ARHGEF6: variants seen among roughly 807,000 people sequenced by gnomAD.
ARHGEF6 encodes the protein Rac/Cdc42 guanine nucleotide exchange factor 6, also known as rho guanine nucleotide exchange factor 6.
In ARHGEF6, 9 loss-of-function variants were observed where a neutral mutation model predicts 70.3. The ratio of observed to expected loss-of-function variants is 0.13; its 90% CI spans 0.08 to 0.22. The LOEUF is 0.22. Ranked by LOEUF, ARHGEF6 falls within the 10% of genes least tolerant of loss-of-function variation. The pLI, the probability that ARHGEF6 is intolerant of heterozygous loss-of-function variation, is 1.00. For synonymous variants in ARHGEF6, 201 were observed against 207.8 expected (o/e 0.97, Z 0.28); for missense variants, 470 against 563.0 (o/e 0.83, Z 1.67).
At chrX:136,753,270 C>T (rs913477569) in intron 2 of ARHGEF6, among the ~76,000 whole-genome samples, 12 of 112,010 alleles carry the variant, frequency 1.1e-4, no homozygotes, top group African/African-American at 3.2e-4. Flanking sequence ...CTAATTTGTG[C>T]CTGTAGCTGA....
At chrX:136,728,071 A>G (rs1214493251) in intron 6 of ARHGEF6, among the ~76,000 whole-genome samples, 2 of 112,336 alleles carry the variant, frequency 1.8e-5, no homozygotes, top group African/African-American at 6.5e-5. Flanking sequence ...TTACTTTTTA[A>G]ATCTTCCTGG....
chrX:136,687,843 T>C lies in ARHGEF6; in HGVS notation c.1245+89A>G, dbSNP rs1235791049. On this transcript the variant is annotated intron_variant, in intron 11 of 21. Coordinates refer to ENST00000250617, the MANE Select transcript of ARHGEF6 (RefSeq NM_004840.3). ...AGCTTATTTCCATTCTAAAGACCTT[T>C]GTATAGGGAAAGAAATGTTACACAC... 7 of 787,733 alleles carry C rather than the reference T, an allele frequency of 8.9e-6. No homozygotes were observed. In the Admixed American group the frequency reaches 1.3e-4, roughly 15 times the overall value. The allele number at this position is 787,733 out of a possible 1,213,427, so 64.9% of individuals were successfully genotyped here.
At chrX:136,698,115 A>T (rs1314685575) in intron 9 of ARHGEF6, among the ~76,000 whole-genome samples, 1 of 112,254 alleles carries the variant, frequency 8.9e-6, no homozygotes, top group African/African-American at 3.2e-5. Flanking sequence ...AAAGTAAAAT[A>T]ACTGAAATTT....
intron 11 of ARHGEF6, among the ~76,000 whole-genome samples, 181 bp from the exon 12 acceptor site, chrX:136,686,004 G>C (rs1170316044): frequency 8.9e-6 from 1 of 112,058 alleles, no homozygotes; most frequent in East Asian, 2.8e-4. Context: ...TAAATCTCTA[G>C]GCTTGAGCCC....
chrX:136,779,986 C>G (rs1046454884), intron 1 of ARHGEF6, among the ~76,000 whole-genome samples: 4 of 112,199 alleles, frequency 3.6e-5, no homozygotes, highest in African/African-American at 1.3e-4. Flanking sequence ...AAAATACAAA[C>G]TGGCTCATGA....
chrX:136,687,585 G>T (rs1474439468), intron 11 of ARHGEF6, among the ~76,000 whole-genome samples: 1 of 112,074 alleles, frequency 8.9e-6, no homozygotes, highest in Non-Finnish European at 1.9e-5. Context: ...CAGTATTGAT[G>T]CAAATCAGTG....
chrX:136,780,736 C>T lies in ARHGEF6; in HGVS notation c.147G>A (p.Met49Ile), dbSNP rs1168744786. Residue 49 changes from methionine to isoleucine, a missense_variant, in exon 1 of 22, where the codon ATG becomes ATA. Met to Ile is a conservative substitution (Grantham distance 10). Around this residue, in one of 3 missense-constraint regions of ARHGEF6, gnomAD observed 379 missense variants for 449.3 expected, o/e 0.84. Transcript: ENST00000250617. ...CCCTTACCTTTTCCACAGAGCCAGGCATGAGTCTGTTGATCAGTTTGCACA... is the reference window on the plus strand; with the variant it reads ...CCCTTACCTTTTCCACAGAGCCAGGTATGAGTCTGTTGATCAGTTTGCACA... Reference protein sequence around the residue: ...VVLCKLINRLMPGSVEKFCLD... With the variant: ...VVLCKLINRLIPGSVEKFCLD... 8.3e-7 allele frequency: 1 copy of T among 1,209,440 alleles called. No homozygotes were observed. Among genetic ancestry groups the T allele is most frequent in the East Asian group, 3.0e-5 (1 of 33,788 alleles).
At chrX:136,676,831 A>G in intron 17 of ARHGEF6, 114 bp from the exon 18 acceptor site, 1 of 541,550 alleles carries the variant, frequency 1.8e-6, no homozygotes, top group Admixed American at 2.7e-5. Flanking sequence ...CTCAGTTAGG[A>G]GTACATCAAT....
chrX:136,767,533 G>A (rs943262637), intron 2 of ARHGEF6: 32 of 753,593 alleles, frequency 4.2e-5, no homozygotes, highest in Non-Finnish European at 4.8e-5. Flanking sequence ...TAGCCGTGCC[G>A]CTCGGCGGGC....
intron 7 of ARHGEF6, among the ~76,000 whole-genome samples, chrX:136,710,628 G>A (rs1033152935): frequency 7.3e-5 from 8 of 109,502 alleles, no homozygotes; most frequent in African/African-American, 2.7e-4. Context: ...GCCCCTTCAC[G>A]ATCAGATAAT....
rs1446842281 is a variant in ARHGEF6, at chrX:136,733,004, CTCTTT to C, written c.662-837_662-833del. ...CAATGAAAACTAGCAGGAAATTATT[CTCTTT>C]TAAGTATAATTTTAATATTATTCCA... On this transcript the variant is annotated intron_variant, in intron 5 of 21. Coordinates refer to ENST00000250617, the MANE Select transcript of ARHGEF6 (RefSeq NM_004840.3). Among the ~76,000 whole-genome samples the C allele has an allele frequency of 3.6e-5, 4 of 111,406 alleles. No individual in the cohort carries two copies. The East Asian group carries it at 8.3e-4, about 23-fold the overall frequency.
At chrX:136,723,558 G>T (rs545490) in intron 6 of ARHGEF6, among the ~76,000 whole-genome samples, 3,811 of 111,591 alleles carry the variant, frequency 0.034, 154 homozygotes, top group African/African-American at 0.12. Context: ...AAATGCACTA[G>T]AATTCAACAG....
chrX:136,760,209 TGCC>T (rs1285772412), intron 2 of ARHGEF6, among the ~76,000 whole-genome samples: 3 of 112,661 alleles, frequency 2.7e-5, no homozygotes. Flanking sequence ...AACTGGCAAG[TGCC>T]TTCACACTTC....
At chrX:136,700,166 T>C (rs1313534212) in intron 9 of ARHGEF6, among the ~76,000 whole-genome samples, 1 of 110,844 alleles carries the variant, frequency 9.0e-6, no homozygotes, top group African/African-American at 3.3e-5. Flanking sequence ...CAATATATAA[T>C]AACAGTGGAT....
intron 16 of ARHGEF6, among the ~76,000 whole-genome samples, chrX:136,678,709 T>C (rs760486791): frequency 3.2e-4 from 36 of 111,954 alleles, no homozygotes; most frequent in Middle Eastern, 4.2e-3. Context: ...ACGTTTGATA[T>C]AGAAATATAA....
chrX:136,727,466 T>C lies in ARHGEF6; in HGVS notation c.732+4636A>G, dbSNP rs768615503. Among the ~76,000 whole-genome samples, 5 of 102,711 alleles carry C rather than the reference T, an allele frequency of 4.9e-5. No individual in the cohort carries two copies. In the East Asian group the frequency reaches 1.2e-3, roughly 25 times the overall value. The allele number at this position is 102,711 out of a possible 115,157, so 89.2% of individuals were successfully genotyped here. Reference sequence around the variant, plus strand: ...CTTTCATTCTTTCTTTCCTTCTTTCTTTCTCTCTTTCTTTCCTTCTCTCCT... The same window carrying C: ...CTTTCATTCTTTCTTTCCTTCTTTCCTTCTCTCTTTCTTTCCTTCTCTCCT... On this transcript the variant is annotated intron_variant, in intron 6 of 21. Coordinates refer to ENST00000250617, the MANE Select transcript of ARHGEF6 (RefSeq NM_004840.3).
At chrX:136,762,937 C>T (rs2077278034) in intron 2 of ARHGEF6, among the ~76,000 whole-genome samples, 1 of 111,987 alleles carries the variant, frequency 8.9e-6, no homozygotes, top group Non-Finnish European at 1.9e-5. Context: ...AAAAAAAAGG[C>T]TGCCCTAACC....
intron 2 of ARHGEF6, among the ~76,000 whole-genome samples, chrX:136,748,163 A>AAACTTTCT (rs1213013284): frequency 9.0e-6 from 1 of 111,687 alleles, no homozygotes; most frequent in Non-Finnish European, 1.9e-5. Flanking sequence ...CTTTCTGCCC[A>AAACTTTCT]GGTCTGCCTT....
intron 5 of ARHGEF6, among the ~76,000 whole-genome samples, chrX:136,742,109 A>G (rs1223751622): frequency 9.0e-6 from 1 of 111,135 alleles, no homozygotes; most frequent in African/African-American, 3.3e-5. Flanking sequence ...TCACAAGGTC[A>G]GGAGATCAAG....
Sources: gnomAD v4.1 joint callset for allele counts (sites outside exome capture counted in the v4.1 genomes callset) on GRCh38, gnomAD v4.1.1 for gene constraint, gnomAD v4.1.1 regional missense constraint, MANE v1.5 for transcripts, NCBI Gene and HGNC (gene_info 2026-07-23, HGNC 2026-07-21) for gene names.